The following NUB1 variants were observed in gnomAD, a reference collection of about 807,000 sequenced individuals.
NUB1 encodes the protein NEDD8 ultimate buster 1.
A neutral mutation model predicts 77.1 loss-of-function variants in NUB1; 41 were observed. The ratio of observed to expected loss-of-function variants is 0.53; its 90% confidence interval spans 0.41 to 0.69. The LOEUF is 0.69. Ranked by LOEUF, NUB1 falls within the 30% of genes least tolerant of loss-of-function variation. NUB1 has a pLI of 0.00. For missense variants in NUB1, 643 were observed against 743.8 expected (o/e 0.86, Z 1.58); for synonymous variants, 257 against 281.0 (o/e 0.91, Z 0.85).
At chr7:151,362,346 T>G (rs1360913957) in intron 8 of NUB1, among the ~76,000 whole-genome samples, 4 of 152,174 alleles carry the variant, frequency 2.6e-5, no homozygotes, top group Non-Finnish European at 5.9e-5. Flanking sequence ...ATAAAGGAAA[T>G]CAGCAGTAAT....
At chr7:151,351,361 C>A in intron 3 of NUB1, 63 bp from the exon 4 acceptor site, 1 of 1,229,278 alleles carries the variant, frequency 8.1e-7, no homozygotes, top group Non-Finnish European at 1.2e-6. Context: ...TCTGATTTCA[C>A]AGGGTAATCT....
intron 7 of NUB1, among the ~76,000 whole-genome samples, chr7:151,357,976 T>C (rs1410689240): frequency 1.3e-5 from 2 of 151,812 alleles, no homozygotes; most frequent in Non-Finnish European, 2.9e-5. Context: ...TTGATGTTTG[T>C]CTTTTTTTGT....
intron 7 of NUB1, among the ~76,000 whole-genome samples, chr7:151,358,595 A>G (rs1384665701): frequency 6.6e-6 from 1 of 152,356 alleles, no homozygotes; most frequent in African/African-American, 2.4e-5. Flanking sequence ...GACCTGAGGT[A>G]GAATGTTTTC....
chr7:151,365,318 C>T (rs1584960324), intron 8 of NUB1, among the ~76,000 whole-genome samples: 2 of 141,700 alleles, frequency 1.4e-5, no homozygotes. Flanking sequence ...TCTTCTCTCT[C>T]TTTTTTTTTT....
intron 2 of NUB1, among the ~76,000 whole-genome samples, chr7:151,348,569 C>CTTTTTTTTTTTTTTTTTTTT (rs59781719): frequency 2.9e-5 from 2 of 69,924 alleles, no homozygotes; most frequent in Non-Finnish European, 5.0e-5. Context: ...TTGCTTTTTG[C>CTTTTTTTTTTTTTTTTTTTT]TTTTTTTTTT....
At chr7:151,373,907 C>T (rs1054714037) in intron 11 of NUB1, among the ~76,000 whole-genome samples, 190 bp from the exon 12 acceptor site, 8 of 152,124 alleles carry the variant, frequency 5.3e-5, no homozygotes, top group African/African-American at 1.5e-4. Flanking sequence ...GCAGCACTTC[C>T]ACCACCCCTC....
intron 8 of NUB1, among the ~76,000 whole-genome samples, chr7:151,362,051 T>C (rs545246795): frequency 2.6e-5 from 4 of 152,332 alleles, no homozygotes; most frequent in African/African-American, 7.2e-5. Context: ...ATGGTTGATC[T>C]TCATACATCT....
In NUB1 at chr7:151,360,126, T is replaced by G. The variant is rs201964306; in HGVS notation, c.694-15T>G. ...ATTTTAAAGTGATGTTTTTTAAATT[T>G]GTATTTTTTCCTAGGCCCTTATGTT... On this transcript the variant is annotated splice_polypyrimidine_tract_variant and intron_variant, in intron 7 of 14. Transcript: ENST00000568733. 3.8e-6 allele frequency: 5 copies of G among 1,323,672 alleles called. No individual in the cohort carries two copies. The African/African-American group carries it at 7.3e-5, about 19-fold the overall frequency. The allele number at this position is 1,323,672 out of a possible 1,614,324, so 82.0% of individuals were successfully genotyped here. A position where few individuals can be genotyped will look rare whatever the true frequency, so the allele number is the denominator to read the frequency against.
rs1797769576 is a variant in NUB1, at chr7:151,367,896, A to T, written c.1023A>T (p.Arg341Ser). ...NCGKEKVLFLRLYLLQGIRNY... is the reference protein window; with the variant it reads ...NCGKEKVLFLSLYLLQGIRNY... The stretch of plus-strand genomic sequence containing the variant: ...GGAAAGAGAAGGTACTGTTTCTAAG[A>T]CTCTACTTACTTCAAGGGATCCGAA... The change falls in exon 10 of 15, where the codon AGA becomes AGT. Residue 341 changes from arginine to serine, a missense_variant. Arg to Ser is a moderately radical substitution (Grantham distance 110, BLOSUM62 -1). Transcript: ENST00000568733. 1.2e-6 allele frequency: 2 copies of T among 1,601,578 alleles called. No homozygotes were observed. Among genetic ancestry groups the T allele is most frequent in the East Asian group, 4.5e-5 (2 of 44,740 alleles).
At position 151,367,116 on chromosome 7, in the gene NUB1, C is replaced by A; in HGVS notation, c.978C>A (p.Val326=). 6.2e-7 allele frequency: 1 copy of A among 1,612,242 alleles called. No individual in the cohort carries two copies. Among genetic ancestry groups the A allele is most frequent in the Non-Finnish European group, 8.5e-7 (1 of 1,178,832 alleles). Residue 326 remains valine, a synonymous_variant, in exon 9 of 15, where the codon GTC becomes GTA. Coordinates refer to ENST00000568733, the MANE Select transcript of NUB1 (RefSeq NM_001243351.2). The stretch of plus-strand genomic sequence containing the variant: ...ACGGAGAAAATCATCAGAGACTGGT[C>A]CACATAAAAGTATGTTCCTGGAATT... ...NCYGENHQRL[V]HIKGNCGKEK...
chr7:151,366,524 A>C (rs990610237), intron 8 of NUB1, among the ~76,000 whole-genome samples: 8 of 3,626 alleles, frequency 2.2e-3, no homozygotes, highest in Non-Finnish European at 4.9e-3. Flanking sequence ...ATTCTTAAAG[A>C]AAGAAAGAAA....
chr7:151,355,791 G>A lies in NUB1; in HGVS notation c.439G>A (p.Val147Met), dbSNP rs781664404. 15 of 1,602,736 alleles carry A rather than the reference G, an allele frequency of 9.4e-6. No homozygotes were observed. The highest frequency in any genetic ancestry group is 2.2e-5 in the South Asian group (2 of 89,182). Residue 147 changes from valine to methionine, a missense_variant, in exon 6 of 15, where the codon GTG (valine) becomes ATG (methionine). Physicochemically the swap from Val to Met is conservative, Grantham distance 21. Coordinates refer to ENST00000568733, the MANE Select transcript of NUB1 (RefSeq NM_001243351.2). ...AGGGAAAACCCTTGAAGAACAAGGC[G>A]TGGCTCACAATGTGAAAGCGATGGT... ...QLGKTLEEQGVAHNVKAMVLE... is the reference protein window; with the variant it reads ...QLGKTLEEQGMAHNVKAMVLE...
chr7:151,373,666 T>C (rs1374771174), intron 11 of NUB1, among the ~76,000 whole-genome samples: 1 of 152,242 alleles, frequency 6.6e-6, no homozygotes, highest in East Asian at 1.9e-4. Flanking sequence ...CTTGAATCCC[T>C]GGGCGATTCA....
At chr7:151,350,359 T>C (rs1174202674) in intron 3 of NUB1, among the ~76,000 whole-genome samples, 1 of 152,108 alleles carries the variant, frequency 6.6e-6, no homozygotes, top group Non-Finnish European at 1.5e-5. Context: ...TTTCCCAGTC[T>C]GCTAAGTAAC....
chr7:151,373,860 C>T (rs1798076775), intron 11 of NUB1, among the ~76,000 whole-genome samples: 1 of 152,022 alleles, frequency 6.6e-6, no homozygotes, highest in Non-Finnish European at 1.5e-5. Flanking sequence ...CTCCTTCCTG[C>T]CCCACGGGCA....
In NUB1 at chr7:151,360,292, G is replaced by A. The variant is rs574993337; in HGVS notation, c.800+45G>A. On this transcript the variant is annotated intron_variant, in intron 8 of 14. Coordinates refer to ENST00000568733, the MANE Select transcript of NUB1 (RefSeq NM_001243351.2). ...GTGAACACCAGCTTTAAGGAAGATG[G>A]CCCAGACTATACAGAACACCCTGCC... is the stretch of plus-strand genomic sequence containing the variant. 16 of 1,045,056 alleles carry A rather than the reference G, an allele frequency of 1.5e-5. No individual in the cohort carries two copies. The African/African-American group carries it at 2.0e-4, about 13-fold the overall frequency. The allele number at this position is 1,045,056 out of a possible 1,614,324, so 64.7% of individuals were successfully genotyped here.
intron 8 of NUB1, among the ~76,000 whole-genome samples, chr7:151,364,433 AAAAAAAAAC>A (rs1304750000): frequency 1.8e-4 from 1 of 5,698 alleles, no homozygotes; most frequent in Non-Finnish European, 7.6e-4. Flanking sequence ...AAACAAAAAC[AAAAAAAAAC>A]AAAAAAAAAA....
At chr7:151,364,174 A>G (rs10253388) in intron 8 of NUB1, among the ~76,000 whole-genome samples, 5 of 150,722 alleles carry the variant, frequency 3.3e-5, no homozygotes, top group Non-Finnish European at 5.9e-5. Flanking sequence ...TGTAATCCCA[A>G]CACTATGGGA....
At chr7:151,347,749 G>A (rs62490274) in intron 2 of NUB1, among the ~76,000 whole-genome samples, 8,737 of 152,292 alleles carry the variant, frequency 0.057, 313 homozygotes, top group South Asian at 0.1. Flanking sequence ...ATGAGCCATC[G>A]CGCCCAATCT....
Sources: allele counts gnomAD v4.1 joint callset (sites outside exome capture counted in the v4.1 genomes callset), GRCh38; gene constraint gnomAD v4.1.1; transcripts MANE v1.5; gene names NCBI Gene and HGNC (gene_info 2026-07-23, HGNC 2026-07-21).